The following ZNF329 variants were observed in gnomAD, a reference collection of about 807,000 sequenced individuals.
The protein encoded by ZNF329 is zinc finger protein 329.
Under a neutral mutation model 26.6 loss-of-function variants are expected in ZNF329, and 15 were observed. That is an observed-to-expected ratio of 0.56 (90% CI 0.38 to 0.87). The LOEUF (loss-of-function observed/expected upper bound fraction) is 0.87. ZNF329 is among the 40% of genes least tolerant of loss of function. ZNF329 has a pLI of 0.00. For synonymous variants in ZNF329, 239 were observed against 233.5 expected (o/e 1.02, Z -0.21); for missense variants, 651 against 651.9 (o/e 1.00, Z 0.02).
At chr19:58,134,738 C>G (rs1343039587) in intron 3 of ZNF329, among the ~76,000 whole-genome samples, 1 of 152,088 alleles carries the variant, frequency 6.6e-6, no homozygotes, top group African/African-American at 2.4e-5. Flanking sequence ...GAGTTCAAGA[C>G]CAGCCTGGCC....
chr19:58,146,699 C>T (rs34526068), intron 1 of ZNF329, among the ~76,000 whole-genome samples: 79,505 of 151,280 alleles, frequency 0.53, 21,436 homozygotes, highest in South Asian at 0.64. Context: ...TGCAGGCACG[C>T]GCCGCCACGC....
intron 3 of ZNF329, among the ~76,000 whole-genome samples, chr19:58,136,011 T>C (rs1275383878): frequency 1.3e-5 from 2 of 151,984 alleles, no homozygotes; most frequent in Non-Finnish European, 2.9e-5. Context: ...GGCAGGTGGA[T>C]CACGAGGTCA....
chr19:58,153,603 C>A (rs1157972893), upstream of ZNF329, among the ~76,000 whole-genome samples: 1 of 152,180 alleles, frequency 6.6e-6, no homozygotes, highest in Non-Finnish European at 1.5e-5. Flanking sequence ...AGAAGGCCCA[C>A]TGAGGCCATT....
intron 3 of ZNF329, among the ~76,000 whole-genome samples, chr19:58,139,413 A>G (rs936532105): frequency 6.6e-6 from 1 of 152,182 alleles, no homozygotes; most frequent in Non-Finnish European, 1.5e-5. Flanking sequence ...ACAGAAATCT[A>G]TTTCTCACAG....
rs1195335222 is a variant in ZNF329, at chr19:58,134,153, G to GGGGGCA, written c.-8-4643_-8-4642insTGCCCC. Among the ~76,000 whole-genome samples, 5 of 152,338 alleles carry GGGGGCA rather than the reference G, an allele frequency of 3.3e-5. No homozygotes were observed. The East Asian group carries it at 7.7e-4, about 23-fold the overall frequency. ...TATCTGGAGATGATTTTGGTTGTCA[G>GGGGGCA]TCTGACTAGGGGGCAGATGTTCCTA... is the stretch of plus-strand genomic sequence containing the variant. On this transcript the variant is annotated intron_variant, in intron 3 of 3. Transcript: ENST00000598312.
At chr19:58,147,953 G>C (rs1378097052) in intron 1 of ZNF329, among the ~76,000 whole-genome samples, 3 of 152,100 alleles carry the variant, frequency 2.0e-5, no homozygotes, top group African/African-American at 7.3e-5. Context: ...GGAATAGAAA[G>C]GGGGGAAAGG....
chr19:58,128,564 G>T lies in ZNF329; in HGVS notation c.940C>A (p.Pro314Thr), dbSNP rs1405635666. Residue 314 changes from proline to threonine, a missense_variant, in exon 4 of 4, where the codon CCA (proline) becomes ACA (threonine). By Grantham distance (38) the Pro-to-Thr change is conservative. Transcript: ENST00000598312. ...TTCCCACATTCGTTACATCTATATG[G>T]TTTTTCCCCTGTATGAGTTCTTTGG... The part of the protein sequence containing the change: ...LHQRTHTGEK[P>T]YRCNECGKPF... The T allele has an allele frequency of 6.2e-7, 1 of 1,614,102 alleles. No individual in the cohort carries two copies. The highest frequency in any genetic ancestry group is 2.2e-5 in the East Asian group (1 of 44,884).
intron 1 of ZNF329, among the ~76,000 whole-genome samples, chr19:58,146,485 A>AC (rs1298604782): frequency 1.5e-5 from 2 of 132,580 alleles, no homozygotes; most frequent in African/African-American, 5.7e-5. Flanking sequence ...AAAAAAAAAA[A>AC]GTAGGTGGTA....
chr19:58,150,298 A>T lies in ZNF329; in HGVS notation c.-208+454T>A, dbSNP rs530059032. ...GGGAAGCGGCTCAGCCCACTGGCTC[A>T]CGGCCGCCAATTCAGCCGGAGGCCG... On this transcript the variant is annotated intron_variant, in intron 1 of 3. Transcript: ENST00000598312. 2.9e-3 allele frequency among the ~76,000 whole-genome samples: 435 copies of T among 152,352 alleles called. 1 individual carries two copies. Among genetic ancestry groups the T allele is most frequent in the Non-Finnish European group, 4.7e-3 (321 of 68,040 alleles).
In ZNF329 at chr19:58,128,992, C is replaced by T; in HGVS notation, c.512G>A (p.Gly171Asp). The T allele has an allele frequency of 6.2e-7, 1 of 1,612,796 alleles. No individual in the cohort carries two copies. The highest frequency in any genetic ancestry group is 1.7e-5 in the Admixed American group (1 of 59,852). The change falls in exon 4 of 4, where the codon GGC becomes GAC. Residue 171 changes from glycine (G) to aspartate (D), a missense_variant. Transcript: ENST00000598312. ...SLGHQKIMKRGKKSYEGKNFE... is the reference protein window; with the variant it reads ...SLGHQKIMKRDKKSYEGKNFE... The stretch of plus-strand genomic sequence containing the variant: ...ATTCTTACCTTCATACGATTTCTTG[C>T]CTCTTTTCATTATTTTCTGATGACC...
intron 1 of ZNF329, among the ~76,000 whole-genome samples, chr19:58,146,820 C>T (rs961822110): frequency 2.2e-4 from 34 of 151,976 alleles, no homozygotes; most frequent in African/African-American, 7.5e-4. Flanking sequence ...CCCGAGGTGC[C>T]GGGATTGCAG....
chr19:58,136,572 G>A (rs1320455014), intron 3 of ZNF329: 2 of 150,042 alleles, frequency 1.3e-5, no homozygotes, highest in Non-Finnish European at 2.9e-5. Flanking sequence ...CAGGTAGTTG[G>A]GAAGCTGAGG....
rs767324357 is a variant in ZNF329, at chr19:58,128,428, G to A, written c.1076C>T (p.Thr359Ile). Residue 359 changes from threonine to isoleucine, a missense_variant, in exon 4 of 4, where the codon ACC (threonine) becomes ATC (isoleucine). By Grantham distance (89) the Thr-to-Ile change is moderately conservative (BLOSUM62 -1). Transcript: ENST00000598312. ...GKAFRDGSYL[T>I]QHERTHTGEK... ...TCCAGTGTGAGTCCTCTCATGCTGG[G>A]TGAGGTACGAGCCGTCCCGGAAAGC... 2.1e-5 allele frequency: 34 copies of A among 1,613,786 alleles called. No homozygotes were observed. The highest frequency in any genetic ancestry group is 2.8e-5 in the Non-Finnish European group (33 of 1,179,942).
chr19:58,150,622 A>C (rs1296705170), intron 1 of ZNF329, 130 bp downstream of exon 1: 3 of 152,738 alleles, frequency 2.0e-5, no homozygotes, highest in Non-Finnish European at 4.4e-5. Context: ...CATGCCCACC[A>C]CCCAGGTGAA....
At chr19:58,134,503 G>A (rs2075021224) in intron 3 of ZNF329, among the ~76,000 whole-genome samples, 1 of 152,188 alleles carries the variant, frequency 6.6e-6, no homozygotes, top group South Asian at 2.1e-4. Context: ...TATTCCTAAA[G>A]CAAAAGGACA....
intron 3 of ZNF329, among the ~76,000 whole-genome samples, chr19:58,133,157 G>T (rs78272579): frequency 6.6e-6 from 1 of 152,148 alleles, no homozygotes; most frequent in Non-Finnish European, 1.5e-5. Context: ...AACCACCAGT[G>T]AATGACGAAA....
chr19:58,150,209 A>G (rs2075418046), intron 1 of ZNF329, among the ~76,000 whole-genome samples: 1 of 152,240 alleles, frequency 6.6e-6, no homozygotes, highest in South Asian at 2.1e-4. Flanking sequence ...ATTGCAGTAA[A>G]ACATGATTTT....
rs34681367 is a variant in ZNF329 at position 58,128,917 on chromosome 19, T to C, written c.587A>G (p.Asn196Ser). ...TCTATATTGTTTCTCTCCAGGGAGA[T>C]TTCTCTGGTTTTCATTAAGCGATGA... ...LSSSLNENQR[N>S]LPGEKQYRCT... The change falls in exon 4 of 4, where the codon AAT becomes AGT. Residue 196 changes from asparagine to serine, a missense_variant. By Grantham distance (46) the Asn-to-Ser change is conservative. Transcript: ENST00000598312. 7,746 of 1,614,088 alleles carry C rather than the reference T, an allele frequency of 4.8e-3. 26 individuals are homozygous for C. The highest frequency in any genetic ancestry group is 5.6e-3 in the Non-Finnish European group (6,640 of 1,180,002).
chr19:58,147,089 C>A (rs2075330775), intron 1 of ZNF329, among the ~76,000 whole-genome samples: 1 of 151,688 alleles, frequency 6.6e-6, no homozygotes, highest in Non-Finnish European at 1.5e-5. Flanking sequence ...CGGCCGCCAT[C>A]CCATCTAGGA....
Sources: allele counts gnomAD v4.1 joint callset (sites outside exome capture counted in the v4.1 genomes callset), GRCh38; gene constraint gnomAD v4.1.1; transcripts MANE v1.5; gene names NCBI Gene and HGNC (gene_info 2026-07-23, HGNC 2026-07-21).